PRRX2: variants seen among roughly 807,000 people sequenced by gnomAD.
PRRX2 encodes the protein paired mesoderm homeobox protein 2.
Under a neutral mutation model 18.0 loss-of-function variants are expected in PRRX2, and 11 were observed. That is an observed-to-expected ratio of 0.61 (90% CI 0.39 to 1.01). PRRX2 has a LOEUF of 1.01. PRRX2 is among the 50% of genes least tolerant of loss of function. The pLI is 0.01. For synonymous variants in PRRX2, 177 were observed against 154.8 expected, an observed-to-expected ratio of 1.14 and a Z score of -1.06; for missense variants, 387 against 351.0, an observed-to-expected ratio of 1.10 and a Z score of -0.82.
chr9:129,717,709 AAAAAAG>A (rs1455361451), intron 1 of PRRX2, among the ~76,000 whole-genome samples: 2 of 151,188 alleles, frequency 1.3e-5, no homozygotes, highest in African/African-American at 2.4e-5. Context: ...AAAAAAAAAA[AAAAAAG>A]AAAAAGAAAA....
At chr9:129,676,532 G>A (rs930367649) in intron 1 of PRRX2, among the ~76,000 whole-genome samples, 9 of 152,170 alleles carry the variant, frequency 5.9e-5, no homozygotes, top group Non-Finnish European at 1.0e-4. Context: ...ACAGGGGGTG[G>A]AGAAGCCAGA....
rs533784110 is a variant in PRRX2 at position 129,697,373 on chromosome 9, C to T, written c.260-21858C>T. Among the ~76,000 whole-genome samples the T allele has an allele frequency of 2.6e-5, 4 of 151,880 alleles. No homozygotes were observed. In the South Asian group the frequency reaches 8.3e-4, roughly 31 times the overall value. ...CCCGCCCGGCCGGGGCGCGCACCCT[C>T]GGAGCAGCTGGGCGGCGGCGGCGCG... On this transcript the variant is annotated intron_variant, in intron 1 of 3. Transcript: ENST00000372469.
At chr9:129,722,091 T>C in intron 3 of PRRX2, 126 bp from the exon 4 acceptor site, 2 of 1,370,094 alleles carry the variant, frequency 1.5e-6, no homozygotes, top group Non-Finnish European at 2.0e-6. Context: ...TCACCCCCAG[T>C]CCTGGGTGAA....
At position 129,715,630 on chromosome 9, in the gene PRRX2, T is replaced by C. The variant is rs1427672987; in HGVS notation, c.260-3601T>C. Among the ~76,000 whole-genome samples, 2 of 151,948 alleles carry C rather than the reference T, an allele frequency of 1.3e-5. No individual in the cohort carries two copies. The highest frequency in any genetic ancestry group is 2.9e-5 in the Non-Finnish European group (2 of 68,000). Reference sequence around the variant, plus strand: ...ATATTTAGCAGCACTCCTGGCCTCTTTACCATTAGATCCTAGTAGCACCCC... The same window carrying C: ...ATATTTAGCAGCACTCCTGGCCTCTCTACCATTAGATCCTAGTAGCACCCC... On this transcript the variant is annotated intron_variant, in intron 1 of 3. Transcript: ENST00000372469. This position sits in a 1 kb window ranked among gnomAD's most constrained non-coding sequence, Gnocchi z 4.0.
At chr9:129,706,548 G>C (rs1448023624) in intron 1 of PRRX2, among the ~76,000 whole-genome samples, 5 of 151,116 alleles carry the variant, frequency 3.3e-5, no homozygotes, top group African/African-American at 1.2e-4. Context: ...GGGCGACAGA[G>C]TGAAACTCCA....
rs1416154906 is a variant in PRRX2, at chr9:129,715,302, G to T, written c.260-3929G>T. Among the ~76,000 whole-genome samples, 1 of 152,164 alleles carries T rather than the reference G, an allele frequency of 6.6e-6. No individual in the cohort carries two copies. Among genetic ancestry groups the T allele is most frequent in the African/African-American group, 2.4e-5 (1 of 41,454 alleles). ...TGGGGGCCTGTCCTGTGTCTTGAAA[G>T]ATATTTAGCAAGGCCAAGCATGGTG... On this transcript the variant is annotated intron_variant, in intron 1 of 3. Coordinates refer to ENST00000372469, the MANE Select transcript of PRRX2 (RefSeq NM_016307.4). The surrounding 1 kb of genome is among the most constrained non-coding windows in gnomAD (Gnocchi z 4.0).
chr9:129,666,105 A>C lies in PRRX2; in HGVS notation c.238A>C (p.Ser80Arg). 1 of 1,018,346 alleles carries C rather than the reference A, an allele frequency of 9.8e-7. No homozygotes were observed. Among genetic ancestry groups the C allele is most frequent in the Non-Finnish European group, 1.2e-6 (1 of 855,792 alleles). 63.1% of individuals were successfully genotyped at this position (1,018,346 alleles called of 1,614,324 possible). Residue 80 changes from serine to arginine, a missense_variant, in exon 1 of 4, where the codon AGC becomes CGC. Transcript: ENST00000372469. ...AREPSGGSSG[S>R]EAAPQDGECP... ...GGAGCCGTCCGGGGGCAGCAGCGGC[A>C]GCGAGGCGGCGCCGCAGGATGGTGA...
intron 1 of PRRX2, among the ~76,000 whole-genome samples, chr9:129,716,080 G>T (rs946074544): frequency 6.6e-6 from 1 of 152,154 alleles, no homozygotes; most frequent in African/African-American, 2.4e-5. Flanking sequence ...GGCAAAACAC[G>T]TCGCCCCAAA....
chr9:129,687,500 G>A (rs1832311245), intron 1 of PRRX2, among the ~76,000 whole-genome samples: 2 of 152,234 alleles, frequency 1.3e-5, no homozygotes, highest in Admixed American at 6.5e-5. Flanking sequence ...AGGGCTGGCA[G>A]CCACTCCACC....
chr9:129,684,532 A>ACACACACACACACACCCC (rs1165343797), intron 1 of PRRX2, among the ~76,000 whole-genome samples: 6 of 140,280 alleles, frequency 4.3e-5, no homozygotes, highest in African/African-American at 8.6e-5. Context: ...ACCCACACAC[A>ACACACACACACACACCCC]CCCCAACAGA....
At chr9:129,710,532 G>A (rs1832606176) in intron 1 of PRRX2, among the ~76,000 whole-genome samples, 1 of 152,180 alleles carries the variant, frequency 6.6e-6, no homozygotes, top group Admixed American at 6.5e-5. Context: ...AAGAGATCGA[G>A]ACCATCCTGG....
At chr9:129,720,532 C>T (rs1481690222) in intron 2 of PRRX2, 64 bp from the exon 3 acceptor site, 2 of 1,465,004 alleles carry the variant, frequency 1.4e-6, no homozygotes, top group East Asian at 4.8e-5. Context: ...GGCACACACC[C>T]AGGTCCAGAA....
rs143031124 is a variant in PRRX2, at chr9:129,692,967, C to T, written c.260-26264C>T. Reference sequence around the variant, plus strand: ...AAAGTATGTTTAGTTTTGTAAGAAACGGCCAAGCTGTCTTCCAAAGTGGCT... The same window carrying T: ...AAAGTATGTTTAGTTTTGTAAGAAATGGCCAAGCTGTCTTCCAAAGTGGCT... On this transcript the variant is annotated intron_variant, in intron 1 of 3. Transcript: ENST00000372469. 4.0e-3 allele frequency among the ~76,000 whole-genome samples: 611 copies of T among 152,266 alleles called. 7 individuals carry two copies. Among genetic ancestry groups the T allele is most frequent in the African/African-American group, 0.014 (563 of 41,534 alleles).
chr9:129,694,266 C>A (rs982640872), intron 1 of PRRX2, among the ~76,000 whole-genome samples: 34 of 152,136 alleles, frequency 2.2e-4, no homozygotes, highest in African/African-American at 7.7e-4. Flanking sequence ...GGATTCAAGC[C>A]ATTCTCCTGC....
chr9:129,675,830 C>T lies in PRRX2; in HGVS notation c.259+9704C>T, dbSNP rs567016946. 7.9e-5 allele frequency among the ~76,000 whole-genome samples: 12 copies of T among 152,348 alleles called. No individual in the cohort carries two copies. In the South Asian group the frequency reaches 1.7e-3, roughly 21 times the overall value. Reference sequence around the variant, plus strand: ...GCAGGGGCCTCGCAGCCTCTCTCGCCGCCAGAGCTCTGCGCGGGCCTCCCG... The same window carrying T: ...GCAGGGGCCTCGCAGCCTCTCTCGCTGCCAGAGCTCTGCGCGGGCCTCCCG... On this transcript the variant is annotated intron_variant, in intron 1 of 3. Transcript: ENST00000372469. The surrounding 1 kb of genome is among the most constrained non-coding windows in gnomAD (Gnocchi z 4.4).
At chr9:129,716,743 CCG>C (rs1832712932) in intron 1 of PRRX2, among the ~76,000 whole-genome samples, 2 of 152,128 alleles carry the variant, frequency 1.3e-5, no homozygotes, top group Non-Finnish European at 2.9e-5. Flanking sequence ...GCATGAGCCA[CCG>C]TGCCTGGCCG....
chr9:129,711,395 T>C (rs910660268), intron 1 of PRRX2, among the ~76,000 whole-genome samples: 3 of 146,270 alleles, frequency 2.1e-5, no homozygotes, highest in Non-Finnish European at 3.0e-5. Context: ...TCAGGTGAGA[T>C]TCTCTTTTTT....
intron 1 of PRRX2, among the ~76,000 whole-genome samples, chr9:129,676,472 A>G (rs1394966390): frequency 1.3e-5 from 2 of 152,224 alleles, no homozygotes; most frequent in Non-Finnish European, 2.9e-5. Context: ...TCGTGGTTAC[A>G]GCTGAGGAAC....
At chr9:129,712,959 C>T (rs1832648009) in intron 1 of PRRX2, 1 of 152,184 alleles carries the variant, frequency 6.6e-6, no homozygotes, top group Admixed American at 6.5e-5. Flanking sequence ...CACGGAGTCC[C>T]CAGAGGAACA....
Sources: gnomAD v4.1 joint callset for allele counts (sites outside exome capture counted in the v4.1 genomes callset) on GRCh38, gnomAD v4.1.1 for gene constraint, Gnocchi (gnomAD v3.1) non-coding constraint, MANE v1.5 for transcripts, NCBI Gene and HGNC (gene_info 2026-07-23, HGNC 2026-07-21) for gene names.